IL34: variants seen among roughly 807,000 people sequenced by gnomAD.
IL34 encodes interleukin 34, also known as interleukin-34.
In IL34, 17 loss-of-function variants were observed where a neutral mutation model predicts 25.3. The ratio of observed to expected loss-of-function variants is 0.67; its 90% CI spans 0.46 to 1.01. The LOEUF (loss-of-function observed/expected upper bound fraction) is 1.01. Ranked by LOEUF, IL34 falls within the 50% of genes least tolerant of loss-of-function variation. The pLI is 0.00. For synonymous variants in IL34, 174 were observed against 140.9 expected (o/e 1.23, Z -1.66); for missense variants, 368 against 312.9 (o/e 1.18, Z -1.33).
intron 1 of IL34, among the ~76,000 whole-genome samples, chr16:70,653,465 G>A (rs1012283431): frequency 6.6e-5 from 10 of 152,130 alleles, no homozygotes; most frequent in Non-Finnish European, 1.5e-4. Context: ...TTGGGAGGCT[G>A]AGGCAGGAGA....
chr16:70,654,712 C>T (rs759939751), intron 2 of IL34, 41 bp downstream of exon 2: 15 of 1,563,174 alleles, frequency 9.6e-6, no homozygotes, highest in Non-Finnish European at 1.3e-5. Flanking sequence ...TCCCCGCGTC[C>T]CGGGGTTCAC....
intron 1 of IL34, among the ~76,000 whole-genome samples, chr16:70,625,058 A>T (rs1216446057): frequency 1.3e-5 from 2 of 152,134 alleles, no homozygotes; most frequent in African/African-American, 4.8e-5. Context: ...ATTTTGCAGG[A>T]TGGAAAAATT....
chr16:70,621,415 G>A (rs928975527), intron 1 of IL34, among the ~76,000 whole-genome samples: 11 of 151,616 alleles, frequency 7.3e-5, no homozygotes, highest in Non-Finnish European at 1.3e-4. Context: ...GAAGAAAGTG[G>A]TTGAGGGACA....
At position 70,659,710 on chromosome 16, in the gene IL34, G is replaced by T. The variant is rs771982040; in HGVS notation, c.495G>T (p.Leu165=). The T allele has an allele frequency of 3.7e-6, 6 of 1,610,342 alleles. No individual in the cohort carries two copies. In the African/African-American group the frequency reaches 4.0e-5, roughly 11 times the overall value. The change falls in exon 5 of 6, where the codon CTG becomes CTT. Residue 165 remains leucine (L), a synonymous_variant. Transcript: ENST00000288098. ...NLKLVRPKAL[L]DNCFRVMELL... ...AGCTGGTGCGGCCCAAAGCCCTGCT[G>T]GACAACTGCTTCCGGGTCATGGAGC... is the stretch of plus-strand genomic sequence containing the variant.
intron 1 of IL34, among the ~76,000 whole-genome samples, chr16:70,587,760 C>T (rs1047224298): frequency 6.6e-6 from 1 of 152,052 alleles, no homozygotes; most frequent in Non-Finnish European, 1.5e-5. Context: ...AGAAAATAGC[C>T]GGGCGCAGCG....
At chr16:70,624,471 C>G (rs1041458250) in intron 1 of IL34, among the ~76,000 whole-genome samples, 22 of 152,036 alleles carry the variant, frequency 1.4e-4, no homozygotes, top group Non-Finnish European at 3.1e-4. Flanking sequence ...ATGTCGGGAG[C>G]ACATTGGGTA....
At chr16:70,609,281 G>A (rs2051056405) in intron 1 of IL34, among the ~76,000 whole-genome samples, 1 of 151,990 alleles carries the variant, frequency 6.6e-6, no homozygotes, top group Non-Finnish European at 1.5e-5. Context: ...GTTTCGCCAT[G>A]TTGGCCAGGA....
At chr16:70,597,845 C>CT (rs1376487442) in intron 1 of IL34, among the ~76,000 whole-genome samples, 7 of 151,098 alleles carry the variant, frequency 4.6e-5, no homozygotes, top group Non-Finnish European at 7.4e-5. Context: ...AGATGCAGTT[C>CT]TTTTTTTTTG....
At chr16:70,607,301 T>C (rs2051021582) in intron 1 of IL34, among the ~76,000 whole-genome samples, 1 of 152,176 alleles carries the variant, frequency 6.6e-6, no homozygotes, top group Non-Finnish European at 1.5e-5. Context: ...AGACGGGGTT[T>C]CACTGTGTTA....
chr16:70,648,757 G>A (rs2151873436), intron 1 of IL34, among the ~76,000 whole-genome samples: 1 of 152,132 alleles, frequency 6.6e-6, no homozygotes, highest in African/African-American at 2.4e-5. Context: ...TAACCAATTA[G>A]AAAGCTTCGG....
At chr16:70,588,337 T>C (rs2151804973) in intron 1 of IL34, among the ~76,000 whole-genome samples, 1 of 151,760 alleles carries the variant, frequency 6.6e-6, no homozygotes, top group African/African-American at 2.4e-5. Flanking sequence ...CTACTAAAAA[T>C]ACAAAAATTA....
chr16:70,624,942 C>A (rs200450301), intron 1 of IL34, among the ~76,000 whole-genome samples: 18 of 151,862 alleles, frequency 1.2e-4, no homozygotes, highest in African/African-American at 3.9e-4. Flanking sequence ...AGATTTGGTA[C>A]GAGTTGCATT....
chr16:70,649,749 A>C (rs1360703283), intron 1 of IL34, among the ~76,000 whole-genome samples: 1 of 152,120 alleles, frequency 6.6e-6, no homozygotes, highest in Non-Finnish European at 1.5e-5. Flanking sequence ...GTACTCACAC[A>C]GATCTTTCTT....
intron 4 of IL34, among the ~76,000 whole-genome samples, chr16:70,657,655 A>AG (rs2052268043): frequency 6.6e-6 from 1 of 152,126 alleles, no homozygotes; most frequent in Non-Finnish European, 1.5e-5. Flanking sequence ...GGCACCTGTT[A>AG]TCCCAGCTAC....
chr16:70,622,101 C>T (rs2051294656), intron 1 of IL34, among the ~76,000 whole-genome samples: 1 of 151,874 alleles, frequency 6.6e-6, no homozygotes, highest in Non-Finnish European at 1.5e-5. Context: ...AACTGCTTGG[C>T]TGATTTGACT....
chr16:70,608,727 G>T (rs955217418), intron 1 of IL34, among the ~76,000 whole-genome samples: 1 of 152,252 alleles, frequency 6.6e-6, no homozygotes, highest in Non-Finnish European at 1.5e-5. Context: ...AGGTTCAGGT[G>T]GGGCAGGCTC....
At chr16:70,622,690 C>T (rs1051739150) in intron 1 of IL34, among the ~76,000 whole-genome samples, 14 of 151,628 alleles carry the variant, frequency 9.2e-5, no homozygotes, top group Admixed American at 3.3e-4. Context: ...GATTGAAGTC[C>T]GGGCCAGGAA....
intron 1 of IL34, among the ~76,000 whole-genome samples, chr16:70,591,700 C>T (rs1189819306): frequency 6.6e-6 from 1 of 152,162 alleles, no homozygotes; most frequent in Non-Finnish European, 1.5e-5. Context: ...GGGTGCTCAG[C>T]CCTATACAGG....
At chr16:70,602,470 C>T (rs1462397490) in intron 1 of IL34, among the ~76,000 whole-genome samples, 2 of 151,954 alleles carry the variant, frequency 1.3e-5, no homozygotes, top group Non-Finnish European at 2.9e-5. Context: ...GAGGTTGAGG[C>T]TGCAGTGAGC....
Sources: gnomAD v4.1 joint callset for allele counts (sites outside exome capture counted in the v4.1 genomes callset) on GRCh38, gnomAD v4.1.1 for gene constraint, MANE v1.5 for transcripts, NCBI Gene and HGNC (gene_info 2026-07-23, HGNC 2026-07-21) for gene names.